Variants in ATP9B observed in about 807,000 individuals in gnomAD.
The protein encoded by ATP9B is ATPase phospholipid transporting 9B.
In ATP9B, 110 loss-of-function variants were observed where a neutral mutation model predicts 146.1. The observed-to-expected ratio is 0.75, with a 90% CI of 0.65 to 0.88. The LOEUF is 0.88. Among genes scored for constraint, ATP9B ranks in the 40% least tolerant of loss-of-function variants. ATP9B has a pLI of 0.00. For missense variants in ATP9B, 1,499 were observed against 1,496.4 expected, an observed-to-expected ratio of 1.00 and a Z score of -0.03; for synonymous variants, 604 against 569.7, an observed-to-expected ratio of 1.06 and a Z score of -0.86.
chr18:79,107,759 G>A (rs1463793228), intron 2 of ATP9B, among the ~76,000 whole-genome samples: 5 of 152,192 alleles, frequency 3.3e-5, no homozygotes, highest in Non-Finnish European at 1.5e-5. Flanking sequence ...CCTGGGCTGA[G>A]GAAAGGCGGT....
chr18:79,167,564 C>G (rs114326158), intron 7 of ATP9B, among the ~76,000 whole-genome samples: 1 of 151,952 alleles, frequency 6.6e-6, no homozygotes, highest in African/African-American at 2.4e-5. Flanking sequence ...TAGAGGGGAC[C>G]CGGAGTGGGT....
intron 7 of ATP9B, among the ~76,000 whole-genome samples, chr18:79,159,368 A>C (rs1442311052): frequency 6.6e-6 from 1 of 152,104 alleles, no homozygotes; most frequent in Non-Finnish European, 1.5e-5. Flanking sequence ...TTACAGCCCT[A>C]CATCAGTCTC....
chr18:79,359,137 T>C (rs2096971632), intron 25 of ATP9B, among the ~76,000 whole-genome samples: 1 of 152,150 alleles, frequency 6.6e-6, no homozygotes, highest in Non-Finnish European at 1.5e-5. Context: ...ATCATTCTTC[T>C]ACCCGTAAGC....
intron 15 of ATP9B, among the ~76,000 whole-genome samples, chr18:79,326,043 G>C (rs1369811491): frequency 9.0e-6 from 1 of 111,076 alleles, no homozygotes; most frequent in Non-Finnish European, 1.8e-5. Context: ...TGTCACCTCT[G>C]TACCCTCCCT....
intron 2 of ATP9B, among the ~76,000 whole-genome samples, chr18:79,102,575 ATTC>A (rs1028898868): frequency 3.3e-5 from 5 of 152,130 alleles, no homozygotes; most frequent in African/African-American, 7.2e-5. Context: ...GGGTAGGCTA[ATTC>A]TTCTTACTTT....
chr18:79,339,663 T>TAGTAGGAAGTGTGTCATGATCGC (rs2096847865), intron 19 of ATP9B, among the ~76,000 whole-genome samples: 1 of 143,708 alleles, frequency 7.0e-6, no homozygotes, highest in African/African-American at 2.6e-5. Flanking sequence ...ACTGAGATCG[T>TAGTAGGAAGTGTGTCATGATCGC]AGTAGGAAGT....
At chr18:79,275,913 G>A (rs2096303433) in intron 12 of ATP9B, among the ~76,000 whole-genome samples, 1 of 152,208 alleles carries the variant, frequency 6.6e-6, no homozygotes, top group African/African-American at 2.4e-5. Context: ...ATAAGTCAAA[G>A]TATGATTATT....
chr18:79,072,366 C>T (rs1213471531), intron 1 of ATP9B, among the ~76,000 whole-genome samples: 5 of 152,124 alleles, frequency 3.3e-5, no homozygotes, highest in Admixed American at 3.3e-4. Context: ...AACGAGCATG[C>T]TGCCTTCAAG....
At chr18:79,238,986 G>A (rs928406216) in intron 11 of ATP9B, among the ~76,000 whole-genome samples, 16 of 152,174 alleles carry the variant, frequency 1.1e-4, no homozygotes, top group Admixed American at 2.6e-4. Flanking sequence ...ACGAGAAGAC[G>A]GTCACAACTG....
At chr18:79,073,869 T>C (rs2072281562) in intron 1 of ATP9B, among the ~76,000 whole-genome samples, 1 of 152,264 alleles carries the variant, frequency 6.6e-6, no homozygotes, top group African/African-American at 2.4e-5. Context: ...ATATAATTAA[T>C]GCCAGTATCT....
At chr18:79,337,920 C>A (rs148756429) in intron 19 of ATP9B, among the ~76,000 whole-genome samples, 1 of 152,350 alleles carries the variant, frequency 6.6e-6, no homozygotes, top group African/African-American at 2.4e-5. Context: ...ACTGTGTTCT[C>A]TGTGTAACCT....
chr18:79,335,450 A>T (rs2096818933), intron 17 of ATP9B, among the ~76,000 whole-genome samples: 1 of 152,194 alleles, frequency 6.6e-6, no homozygotes, highest in Admixed American at 6.5e-5. Context: ...TTTACCTCTA[A>T]TGGGAAAGTA....
chr18:79,227,873 A>G (rs950297623), intron 11 of ATP9B, among the ~76,000 whole-genome samples: 1 of 152,238 alleles, frequency 6.6e-6, no homozygotes, highest in African/African-American at 2.4e-5. Context: ...ATGTGTGTGC[A>G]CTGTGTTGAG....
intron 11 of ATP9B, among the ~76,000 whole-genome samples, chr18:79,251,194 G>T (rs902360799): frequency 6.6e-6 from 1 of 152,230 alleles, no homozygotes; most frequent in African/African-American, 2.4e-5. Context: ...GGCAGTGTGC[G>T]CAGGACAGAT....
intron 2 of ATP9B, among the ~76,000 whole-genome samples, chr18:79,101,060 C>G (rs764145752): frequency 7.2e-5 from 11 of 151,842 alleles, no homozygotes; most frequent in Admixed American, 3.3e-4. Context: ...GTTGTTACAT[C>G]TTATGTAACT....
At chr18:79,365,898 G>A (rs1443998906) in intron 26 of ATP9B, among the ~76,000 whole-genome samples, 1 of 151,088 alleles carries the variant, frequency 6.6e-6, no homozygotes. Context: ...GACAGCCTGT[G>A]TGTGATGGAA....
chr18:79,072,210 G>A (rs1692970782), intron 1 of ATP9B, among the ~76,000 whole-genome samples: 2 of 151,440 alleles, frequency 1.3e-5, no homozygotes, highest in South Asian at 4.2e-4. Flanking sequence ...GGGGGATTTG[G>A]CAGGGTCATA....
intron 11 of ATP9B, among the ~76,000 whole-genome samples, chr18:79,245,551 G>GGAGGGCACCGCCCTACTGACTGTGCA (rs2095937338): frequency 1.4e-5 from 2 of 147,172 alleles, no homozygotes; most frequent in African/African-American, 2.5e-5. Context: ...TACTGACTGA[G>GGAGGGCACCGCCCTACTGACTGTGCA]GAGGGCACCG....
At chr18:79,077,577 C>G (rs897812233) in intron 1 of ATP9B, among the ~76,000 whole-genome samples, 3 of 152,190 alleles carry the variant, frequency 2.0e-5, no homozygotes, top group African/African-American at 7.2e-5. Flanking sequence ...ATGTTAAATA[C>G]AATGTACCAG....
Sources: allele counts gnomAD v4.1 joint callset (sites outside exome capture counted in the v4.1 genomes callset), GRCh38; gene constraint gnomAD v4.1.1; transcripts MANE v1.5; gene names NCBI Gene and HGNC (gene_info 2026-07-23, HGNC 2026-07-21).